Variants in TTLL5 observed in about 807,000 individuals in gnomAD.
TTLL5 encodes the protein tubulin tyrosine ligase like 5.
Under a neutral mutation model 168.4 loss-of-function variants are expected in TTLL5, and 132 were observed. That is an observed-to-expected ratio of 0.78 (90% CI 0.68 to 0.91). TTLL5 has a LOEUF of 0.91. Ranked by LOEUF, TTLL5 falls within the 40% of genes least tolerant of loss-of-function variation. TTLL5 has a pLI of 0.00. For synonymous variants in TTLL5, 546 were observed against 558.6 expected (o/e 0.98, Z 0.32); for missense variants, 1,545 against 1,581.5 (o/e 0.98, Z 0.39).
intron 31 of TTLL5, among the ~76,000 whole-genome samples, chr14:75,908,848 C>T (rs978480407): frequency 2.9e-4 from 44 of 152,126 alleles, no homozygotes; most frequent in African/African-American, 1.0e-3. Context: ...GTGATCACGG[C>T]TCACTGCAAC....
At position 75,783,351 on chromosome 14, in the gene TTLL5, T is replaced by C. The variant is rs778686314; in HGVS notation, c.2807T>C (p.Leu936Pro). ...PSMPHQPTIL[L>P]NTVSASASPC... ...ATGCCTCACCAGCCAACAATTTTAC[T>C]GAACACAGTCTCTGCCAGTGCTTCT... The change falls in exon 26 of 32, where the codon CTG (leucine) becomes CCG (proline). Residue 936 changes from leucine (L) to proline (P), a missense_variant. Transcript: ENST00000298832. 2 of 1,614,058 alleles carry C rather than the reference T, an allele frequency of 1.2e-6. No individual in the cohort carries two copies. Among genetic ancestry groups the C allele is most frequent in the Non-Finnish European group, 1.7e-6 (2 of 1,180,034 alleles).
intron 30 of TTLL5, among the ~76,000 whole-genome samples, chr14:75,885,286 C>T (rs144303446): frequency 0.027 from 4,179 of 152,168 alleles, 72 homozygotes; most frequent in Middle Eastern, 0.088. Context: ...GTCGGGAGAT[C>T]GAGACCATCC....
At chr14:75,719,982 A>G (rs1356914153) in intron 11 of TTLL5, among the ~76,000 whole-genome samples, 156 bp downstream of exon 11, 2 of 152,194 alleles carry the variant, frequency 1.3e-5, no homozygotes, top group African/African-American at 4.8e-5. Flanking sequence ...AAGCTGGGGA[A>G]CAGGTTTTCC....
chr14:75,764,706 T>C lies in TTLL5; in HGVS notation c.1642T>C (p.Ser548Pro), dbSNP rs749261481. The change falls in exon 19 of 32, where the codon TCT (serine) becomes CCT (proline). Residue 548 changes from serine to proline, a missense_variant. Coordinates refer to ENST00000298832, the MANE Select transcript of TTLL5 (RefSeq NM_015072.5). ...TGCACTTTACGAGAGGAAGCTCCTG[T>C]CTCTGGAGGTGCGAAAACGTAGACG... ...HAALYERKLL[S>P]LEVRKRRRRS... is the part of the protein sequence containing the mutation. 24 of 1,614,146 alleles carry C rather than the reference T, an allele frequency of 1.5e-5. No homozygotes were observed. The highest frequency in any genetic ancestry group is 1.9e-5 in the Non-Finnish European group (22 of 1,180,002).
At chr14:75,784,670 G>C (rs1355383258) in intron 26 of TTLL5, among the ~76,000 whole-genome samples, 1 of 152,170 alleles carries the variant, frequency 6.6e-6, no homozygotes, top group Non-Finnish European at 1.5e-5. Flanking sequence ...CTTCTAAACT[G>C]TTTTCCAAAG....
At chr14:75,954,180 G>A (rs1324246670) in intron 31 of TTLL5, among the ~76,000 whole-genome samples, 1 of 151,172 alleles carries the variant, frequency 6.6e-6, no homozygotes, top group African/African-American at 2.4e-5. Context: ...GTGAACCCGG[G>A]AGGCGGAGCT....
intron 27 of TTLL5, among the ~76,000 whole-genome samples, chr14:75,815,175 T>C (rs948178984): frequency 6.6e-5 from 10 of 152,172 alleles, no homozygotes; most frequent in African/African-American, 2.2e-4. Context: ...GCTGAGTGTC[T>C]TCTAGACAAA....
chr14:75,932,225 T>C (rs1454486567), intron 31 of TTLL5, among the ~76,000 whole-genome samples: 1 of 152,206 alleles, frequency 6.6e-6, no homozygotes, highest in East Asian at 1.9e-4. Context: ...CAACTTTTTT[T>C]CTGATATTCG....
At chr14:75,819,092 A>G (rs1366414675) in intron 27 of TTLL5, among the ~76,000 whole-genome samples, 1 of 152,162 alleles carries the variant, frequency 6.6e-6, no homozygotes, top group African/African-American at 2.4e-5. Context: ...GGCAATTTAA[A>G]TGAGATGTGT....
intron 31 of TTLL5, among the ~76,000 whole-genome samples, chr14:75,907,224 A>C (rs539001905): frequency 1.3e-5 from 2 of 152,330 alleles, no homozygotes; most frequent in South Asian, 2.1e-4. Flanking sequence ...TATAATTAGC[A>C]GCAAAACAAA....
chr14:75,702,178 G>A (rs1202901787), intron 7 of TTLL5, among the ~76,000 whole-genome samples: 1 of 152,220 alleles, frequency 6.6e-6, no homozygotes, highest in African/African-American at 2.4e-5. Flanking sequence ...ACAGCCCCAG[G>A]CATTGGCTGC....
chr14:75,887,193 C>T, intron 30 of TTLL5: 1 of 997,166 alleles, frequency 1.0e-6, no homozygotes, highest in Non-Finnish European at 1.2e-6. Flanking sequence ...CCTGGTAGCA[C>T]CAAATCCCAA....
At chr14:75,734,634 T>C (rs2140238092) in intron 14 of TTLL5, among the ~76,000 whole-genome samples, 1 of 152,324 alleles carries the variant, frequency 6.6e-6, no homozygotes, top group South Asian at 2.1e-4. Context: ...AGCTACTCTA[T>C]TCTCCCTGGA....
intron 9 of TTLL5, among the ~76,000 whole-genome samples, chr14:75,714,048 T>A (rs1887269608): frequency 6.6e-6 from 1 of 152,110 alleles, no homozygotes; most frequent in Non-Finnish European, 1.5e-5. Flanking sequence ...TCTGAAACAG[T>A]TCCTTAGTCT....
At chr14:75,851,432 C>T (rs118022939) in intron 28 of TTLL5, among the ~76,000 whole-genome samples, 1,884 of 152,158 alleles carry the variant, frequency 0.012, 15 homozygotes, top group South Asian at 0.025. Context: ...GGTATATAGC[C>T]GCTGCTGGTA....
intron 28 of TTLL5, among the ~76,000 whole-genome samples, chr14:75,839,415 T>A (rs947007457): frequency 1.3e-5 from 2 of 152,186 alleles, no homozygotes; most frequent in Non-Finnish European, 2.9e-5. Flanking sequence ...ATTAGTTTGT[T>A]CTCATGCTGC....
At chr14:75,699,728 C>T (rs1048091453) in intron 7 of TTLL5, among the ~76,000 whole-genome samples, 2 of 152,152 alleles carry the variant, frequency 1.3e-5, no homozygotes, top group African/African-American at 2.4e-5. Flanking sequence ...CTTCCTTCCT[C>T]TTTCCTTTCC....
intron 30 of TTLL5, among the ~76,000 whole-genome samples, chr14:75,887,594 G>A (rs1595210796): frequency 6.6e-6 from 1 of 152,278 alleles, no homozygotes; most frequent in East Asian, 1.9e-4. Context: ...GGGGATATGA[G>A]TACAACAAGG....
intron 16 of TTLL5, 29 bp from the exon 17 acceptor site, chr14:75,745,461 G>C (rs759757426): frequency 6.2e-7 from 1 of 1,608,456 alleles, no homozygotes; most frequent in Middle Eastern, 1.7e-4. Context: ...TTCAAAATAG[G>C]TACTCATTTT....
Sources: allele counts gnomAD v4.1 joint callset (sites outside exome capture counted in the v4.1 genomes callset), GRCh38; gene constraint gnomAD v4.1.1; transcripts MANE v1.5; gene names NCBI Gene and HGNC (gene_info 2026-07-23, HGNC 2026-07-21).